The following FNDC3B variants were observed in gnomAD, a reference collection of about 807,000 sequenced individuals.
FNDC3B encodes fibronectin type III domain-containing protein 3B.
A neutral mutation model predicts 151.5 loss-of-function variants in FNDC3B; 12 were observed. The ratio of observed to expected loss-of-function variants is 0.08; its 90% CI spans 0.05 to 0.13. The LOEUF (loss-of-function observed/expected upper bound fraction) is 0.13. FNDC3B is among the 10% of genes least tolerant of loss of function. The pLI is 1.00. For missense variants in FNDC3B, 1,214 were observed against 1,505.3 expected, an observed-to-expected ratio of 0.81 and a Z score of 3.20; for synonymous variants, 528 against 549.0, an observed-to-expected ratio of 0.96 and a Z score of 0.54.
chr3:172,055,046 C>G (rs1222484797), intron 1 of FNDC3B, among the ~76,000 whole-genome samples: 1 of 152,164 alleles, frequency 6.6e-6, no homozygotes, highest in Non-Finnish European at 1.5e-5. Context: ...TTCTCTCTAA[C>G]CTCACACTTT....
intron 6 of FNDC3B, among the ~76,000 whole-genome samples, chr3:172,281,034 C>T (rs1467298348): frequency 1.3e-5 from 2 of 148,948 alleles, no homozygotes; most frequent in Admixed American, 6.6e-5. Context: ...AGCTGAGCCC[C>T]CTTTCCCTTT....
intron 6 of FNDC3B, among the ~76,000 whole-genome samples, chr3:172,276,290 A>T (rs566277815): frequency 9.8e-5 from 15 of 152,312 alleles, no homozygotes; most frequent in African/African-American, 3.1e-4. Context: ...AGTCACAAGG[A>T]AGTGGACAAA....
At chr3:172,252,216 C>T (rs1728117877) in intron 6 of FNDC3B, among the ~76,000 whole-genome samples, 1 of 151,932 alleles carries the variant, frequency 6.6e-6, no homozygotes, top group Non-Finnish European at 1.5e-5. Context: ...TTAGAGAGAA[C>T]CTATTTTGAT....
chr3:172,169,166 G>A (rs1453398619), intron 3 of FNDC3B, among the ~76,000 whole-genome samples: 1 of 152,110 alleles, frequency 6.6e-6, no homozygotes, highest in Non-Finnish European at 1.5e-5. Context: ...GCAAGCCCAC[G>A]TCAGCACTCG....
At chr3:172,088,347 C>G (rs1718652819) in intron 1 of FNDC3B, among the ~76,000 whole-genome samples, 1 of 152,216 alleles carries the variant, frequency 6.6e-6, no homozygotes, top group African/African-American at 2.4e-5. Context: ...AGAAACCTAA[C>G]TCCTGCAGCT....
At chr3:172,334,484 C>A (rs183363558) in intron 14 of FNDC3B, among the ~76,000 whole-genome samples, 149 of 151,894 alleles carry the variant, frequency 9.8e-4, no homozygotes, top group African/African-American at 3.5e-3. Context: ...CTCTTGTTGC[C>A]CAGGCTGGAG....
Position 172,313,298 on chromosome 3 carries a change from T to C in FNDC3B, c.1254+2417T>C, listed in dbSNP as rs527872059. On this transcript the variant is annotated intron_variant, in intron 11 of 25. Transcript: ENST00000415807. ...CGAGCTTCCTGGCAGGAGAGGATAA[T>C]TGAAGGAACACCAAGATTAGGAAAT... is the stretch of plus-strand genomic sequence containing the variant. Among the ~76,000 whole-genome samples the C allele has an allele frequency of 1.3e-3, 194 of 152,324 alleles. 1 individual carries two copies. The highest frequency in any genetic ancestry group is 4.4e-3 in the African/African-American group (184 of 41,568).
chr3:172,272,789 G>A (rs542735403), intron 6 of FNDC3B, among the ~76,000 whole-genome samples: 2 of 152,198 alleles, frequency 1.3e-5, no homozygotes, highest in South Asian at 4.1e-4. Context: ...TGCTTTCATT[G>A]GAAGCCAGTG....
At chr3:172,071,247 T>C (rs1717761367) in intron 1 of FNDC3B, among the ~76,000 whole-genome samples, 1 of 152,216 alleles carries the variant, frequency 6.6e-6, no homozygotes, top group Non-Finnish European at 1.5e-5. Flanking sequence ...AGGCTAAATA[T>C]AGTATACCCT....
chr3:172,387,324 C>G (rs1735769116), intron 25 of FNDC3B, among the ~76,000 whole-genome samples: 1 of 152,062 alleles, frequency 6.6e-6, no homozygotes, highest in South Asian at 2.1e-4. Context: ...TCTCCAACTC[C>G]TAACCTCCAG....
intron 3 of FNDC3B, among the ~76,000 whole-genome samples, chr3:172,147,123 T>C (rs1335315835): frequency 1.3e-5 from 2 of 151,976 alleles, no homozygotes; most frequent in African/African-American, 4.8e-5. Flanking sequence ...CAGGCCAACA[T>C]AGCAAAACCC....
At chr3:172,209,385 A>C (rs76059884) in intron 3 of FNDC3B, among the ~76,000 whole-genome samples, 3,553 of 152,216 alleles carry the variant, frequency 0.023, 144 homozygotes, top group African/African-American at 0.082. Context: ...TTCCACATCC[A>C]GGAAGAATGA....
At chr3:172,046,245 T>C (rs1716363833) in intron 1 of FNDC3B, among the ~76,000 whole-genome samples, 1 of 152,222 alleles carries the variant, frequency 6.6e-6, no homozygotes, top group Admixed American at 6.5e-5. Context: ...ATATGCAAGT[T>C]TAGCATTCTG....
chr3:172,355,955 T>A (rs1734075531), intron 22 of FNDC3B, among the ~76,000 whole-genome samples: 1 of 152,206 alleles, frequency 6.6e-6, no homozygotes. Flanking sequence ...TGAGGTTGCC[T>A]GAGATTACTT....
At chr3:172,392,077 T>C (rs1318925583) in intron 25 of FNDC3B, among the ~76,000 whole-genome samples, 1 of 152,212 alleles carries the variant, frequency 6.6e-6, no homozygotes, top group East Asian at 1.9e-4. Flanking sequence ...GTCTGAACTC[T>C]TGAATAGCTG....
intron 23 of FNDC3B, among the ~76,000 whole-genome samples, chr3:172,368,002 G>A (rs1734711894): frequency 6.6e-6 from 1 of 152,194 alleles, no homozygotes; most frequent in Non-Finnish European, 1.5e-5. Flanking sequence ...GGCTATTAGA[G>A]AGGGACAGAA....
chr3:172,105,220 A>C (rs1438185418), intron 1 of FNDC3B, among the ~76,000 whole-genome samples: 2 of 152,158 alleles, frequency 1.3e-5, no homozygotes, highest in Non-Finnish European at 2.9e-5. Flanking sequence ...GGGGAGGTTC[A>C]TGAATGCAGT....
At chr3:172,195,999 G>A (rs1724802269) in intron 3 of FNDC3B, among the ~76,000 whole-genome samples, 1 of 152,196 alleles carries the variant, frequency 6.6e-6, no homozygotes, top group African/African-American at 2.4e-5. Context: ...GGCACTTAAT[G>A]TGAGCCTTTG....
intron 1 of FNDC3B, among the ~76,000 whole-genome samples, chr3:172,075,000 AGTACATTT>A (rs1717941452): frequency 6.6e-6 from 1 of 152,228 alleles, no homozygotes; most frequent in Admixed American, 6.5e-5. Context: ...TCTTGATTTT[AGTACATTT>A]GTACCTATGT....
Sources: allele counts gnomAD v4.1 joint callset (sites outside exome capture counted in the v4.1 genomes callset), GRCh38; gene constraint gnomAD v4.1.1; transcripts MANE v1.5; gene names NCBI Gene and HGNC (gene_info 2026-07-23, HGNC 2026-07-21).